PTPRE: variants seen among roughly 807,000 people sequenced by gnomAD.
PTPRE encodes the protein protein tyrosine phosphatase receptor type E.
In PTPRE, 51 loss-of-function variants were observed where a neutral mutation model predicts 102.0. That is an observed-to-expected ratio of 0.50 (90% CI 0.40 to 0.63). The LOEUF (loss-of-function observed/expected upper bound fraction) is 0.63. PTPRE is among the 30% of genes least tolerant of loss of function. PTPRE has a pLI of 0.00. For synonymous variants in PTPRE, 345 were observed against 348.2 expected (o/e 0.99, Z 0.10); for missense variants, 752 against 915.1 (o/e 0.82, Z 2.30).
rs901109629 is a variant in PTPRE at position 128,028,252 on chromosome 10, C to A, written c.-7-12623C>A. On this transcript the variant is annotated intron_variant, in intron 2 of 20. Coordinates refer to ENST00000254667, the MANE Select transcript of PTPRE (RefSeq NM_006504.6). The surrounding 1 kb of genome is among the most constrained non-coding windows in gnomAD (Gnocchi z 4.5). ...CTTACCATCAATTAAATATGGGATC[C>A]GGATCACCCTGCGCCTGTCTCCTCC... 7.2e-5 allele frequency among the ~76,000 whole-genome samples: 11 copies of A among 152,120 alleles called. No individual in the cohort carries two copies. The highest frequency in any genetic ancestry group is 2.0e-4 in the Admixed American group (3 of 15,280).
intron 2 of PTPRE, among the ~76,000 whole-genome samples, chr10:127,995,813 C>G (rs985335197): frequency 2.2e-5 from 3 of 136,788 alleles, no homozygotes; most frequent in African/African-American, 5.9e-5. Flanking sequence ...TTTATACCAA[C>G]TCTACACGAG....
chr10:127,984,856 A>G (rs1851950061), intron 2 of PTPRE, among the ~76,000 whole-genome samples: 1 of 152,144 alleles, frequency 6.6e-6, no homozygotes, highest in Non-Finnish European at 1.5e-5. Context: ...TTTCTTTTGT[A>G]AATTGCCCAG....
chr10:128,058,926 A>C (rs1042839919), intron 7 of PTPRE, among the ~76,000 whole-genome samples: 3 of 152,188 alleles, frequency 2.0e-5, no homozygotes, highest in African/African-American at 7.2e-5. Flanking sequence ...TCAGAGGTCA[A>C]GGTGCTTTGC....
chr10:128,079,510 A>T, intron 19 of PTPRE, 50 bp from the exon 20 acceptor site: 1 of 1,591,180 alleles, frequency 6.3e-7, no homozygotes, highest in Non-Finnish European at 8.6e-7. Context: ...TCCATTTCTC[A>T]TCCCCAAGTG....
chr10:127,993,888 C>G (rs1852964548), intron 2 of PTPRE, among the ~76,000 whole-genome samples: 1 of 151,980 alleles, frequency 6.6e-6, no homozygotes, highest in Non-Finnish European at 1.5e-5. Context: ...CATCCAGCCC[C>G]CATCCTCCCT....
chr10:128,053,515 C>T (rs1471527586), intron 6 of PTPRE, among the ~76,000 whole-genome samples: 1 of 152,206 alleles, frequency 6.6e-6, no homozygotes, highest in Non-Finnish European at 1.5e-5. Flanking sequence ...GAAAGGGCTG[C>T]AGAGTCCATG....
rs1851885800 is a variant in PTPRE, at chr10:128,083,501, A to G, written c.*595A>G. The G allele has an allele frequency of 6.6e-6, 1 of 152,270 alleles. No individual in the cohort carries two copies. Among genetic ancestry groups the G allele is most frequent in the Non-Finnish European group, 1.5e-5 (1 of 68,072 alleles). 9.4% of individuals were successfully genotyped at this position (152,270 alleles called of 1,614,324 possible). On this transcript the variant is annotated 3_prime_UTR_variant, in exon 21 of 21. Coordinates refer to ENST00000254667, the MANE Select transcript of PTPRE (RefSeq NM_006504.6). ...AAACACACTAGAGTAGCTGGTGACT[A>G]TAAATAATATTTTAAAATGCTGTGT...
At chr10:128,037,957 A>ATTTTTTTTTTT (rs34089996) in intron 2 of PTPRE, among the ~76,000 whole-genome samples, 14 of 115,946 alleles carry the variant, frequency 1.2e-4, no homozygotes, top group Non-Finnish European at 1.7e-4. Context: ...TGTCCGGCTA[A>ATTTTTTTTTTT]TTTTTTTTTT....
chr10:127,978,227 AAACAAAAACAAAAAAAAACAAGCAGAC>A (rs1851340414), intron 1 of PTPRE, among the ~76,000 whole-genome samples: 2 of 152,206 alleles, frequency 1.3e-5, no homozygotes, highest in South Asian at 4.1e-4. Flanking sequence ...AAGCAAAACA[AAACAAAAACAAAAAAAAACAAGCAGAC>A]AAGCCTGGGT....
chr10:127,970,601 C>T (rs891908672), intron 1 of PTPRE, among the ~76,000 whole-genome samples: 21 of 151,956 alleles, frequency 1.4e-4, no homozygotes, highest in African/African-American at 5.1e-4. Context: ...GTGGATTACA[C>T]AGTAGAGCCA....
rs115478169 is a variant in PTPRE, at chr10:127,922,896, C to A, written c.-31+15587C>A. On this transcript the variant is annotated intron_variant, in intron 1 of 20. Transcript: ENST00000254667. The stretch of plus-strand genomic sequence containing the variant: ...CCATCCTCAGCTTCATCTCTTAGGA[C>A]CTCGTCTTCCAGAACCCCAGACCCA... 2.4e-3 allele frequency among the ~76,000 whole-genome samples: 368 copies of A among 152,308 alleles called. 1 individual carries two copies. Among genetic ancestry groups the A allele is most frequent in the African/African-American group, 8.3e-3 (346 of 41,564 alleles).
chr10:128,025,562 C>T (rs74159136), intron 2 of PTPRE, among the ~76,000 whole-genome samples: 1,840 of 152,308 alleles, frequency 0.012, 39 homozygotes, highest in African/African-American at 0.042. Context: ...CAGAGCCGGA[C>T]CCTGTGCCCC....
chr10:128,063,676 G>A (rs1180599264), intron 10 of PTPRE, among the ~76,000 whole-genome samples: 1 of 152,206 alleles, frequency 6.6e-6, no homozygotes, highest in Admixed American at 6.5e-5. Flanking sequence ...TACGTTATAA[G>A]AATTTGAATC....
intron 1 of PTPRE, among the ~76,000 whole-genome samples, chr10:127,960,794 T>C (rs956132967): frequency 2.0e-5 from 3 of 151,854 alleles, no homozygotes; most frequent in East Asian, 1.9e-4. Flanking sequence ...GAGGCCGAGG[T>C]GGGCGGATCA....
At chr10:127,935,818 G>C (rs1268261655) in intron 1 of PTPRE, 1 of 152,358 alleles carries the variant, frequency 6.6e-6, no homozygotes, top group Non-Finnish European at 1.5e-5. Context: ...CCATAAGGTA[G>C]AAGCTTCCGG....
chr10:128,015,426 G>A (rs980401225), intron 2 of PTPRE, among the ~76,000 whole-genome samples: 1 of 152,126 alleles, frequency 6.6e-6, no homozygotes, highest in Non-Finnish European at 1.5e-5. Context: ...AAGTGCAGTG[G>A]CGTGATCTCG....
intron 1 of PTPRE, among the ~76,000 whole-genome samples, chr10:127,914,547 C>A (rs1846080792): frequency 6.6e-6 from 1 of 152,208 alleles, no homozygotes; most frequent in Admixed American, 6.5e-5. Flanking sequence ...GGCCTCCAGC[C>A]TCCTCTGGGG....
At chr10:127,969,021 G>C (rs911079316) in intron 1 of PTPRE, among the ~76,000 whole-genome samples, 9 of 152,220 alleles carry the variant, frequency 5.9e-5, no homozygotes, top group African/African-American at 2.2e-4. Context: ...AAGCCTAAAT[G>C]ATTCAGTCAG....
At chr10:128,004,703 C>T (rs997049296) in intron 2 of PTPRE, among the ~76,000 whole-genome samples, 3 of 152,170 alleles carry the variant, frequency 2.0e-5, no homozygotes, top group African/African-American at 4.8e-5. Context: ...TGTGCTATTA[C>T]GATAATCATG....
Sources: gnomAD v4.1 joint callset for allele counts (sites outside exome capture counted in the v4.1 genomes callset) on GRCh38, gnomAD v4.1.1 for gene constraint, Gnocchi (gnomAD v3.1) non-coding constraint, MANE v1.5 for transcripts, NCBI Gene and HGNC (gene_info 2026-07-23, HGNC 2026-07-21) for gene names.